The following RAD51B variants were observed in gnomAD, a reference collection of about 807,000 sequenced individuals.
The protein encoded by RAD51B is RAD51 paralog B, also known as DNA repair protein RAD51 homolog 2.
RAD51B carries 38 observed loss-of-function variants against 42.2 expected under a neutral mutation model. That is an observed-to-expected ratio of 0.90 (90% confidence interval 0.70 to 1.18). RAD51B has a LOEUF of 1.18. Ranked by LOEUF, RAD51B falls within the 50% of genes most tolerant of loss-of-function variation. The pLI is 0.00. For missense variants in RAD51B, 373 were observed against 400.7 expected (o/e 0.93, Z 0.59); for synonymous variants, 154 against 145.2 (o/e 1.06, Z -0.43).
At chr14:68,370,769 G>A (rs1000405026) in intron 8 of RAD51B, among the ~76,000 whole-genome samples, 2 of 152,174 alleles carry the variant, frequency 1.3e-5, no homozygotes, top group Non-Finnish European at 2.9e-5. Flanking sequence ...AATTGGCCGG[G>A]CGCAGTGGCT....
chr14:68,136,192 A>G (rs1340575790), intron 7 of RAD51B, among the ~76,000 whole-genome samples: 1 of 152,200 alleles, frequency 6.6e-6, no homozygotes, highest in Non-Finnish European at 1.5e-5. Flanking sequence ...AAACGTCTGA[A>G]TTGAAAATTT....
intron 10 of RAD51B, among the ~76,000 whole-genome samples, chr14:68,640,644 G>A (rs1892441316): frequency 6.6e-6 from 1 of 152,220 alleles, no homozygotes; most frequent in Admixed American, 6.5e-5. Flanking sequence ...ATTTTTAGAA[G>A]AGGGAGACTC....
chr14:67,998,843 CTTTG>C (rs778785104), intron 7 of RAD51B, among the ~76,000 whole-genome samples: 4 of 152,112 alleles, frequency 2.6e-5, no homozygotes, highest in Non-Finnish European at 5.9e-5. Context: ...ATTCATGGTA[CTTTG>C]TTTGTTCTTA....
At chr14:68,321,266 A>C (rs373527820) in intron 8 of RAD51B, among the ~76,000 whole-genome samples, 1 of 152,188 alleles carries the variant, frequency 6.6e-6, no homozygotes, top group African/African-American at 2.4e-5. Flanking sequence ...CTTGCTCCGT[A>C]CTGCAAGACT....
At chr14:68,298,959 G>A (rs1001343245) in intron 8 of RAD51B, among the ~76,000 whole-genome samples, 2 of 152,064 alleles carry the variant, frequency 1.3e-5, no homozygotes, top group East Asian at 1.9e-4. Flanking sequence ...GAAAAGGATC[G>A]TAACAAGGTC....
intron 7 of RAD51B, among the ~76,000 whole-genome samples, chr14:68,149,144 A>G (rs2078319465): frequency 6.6e-6 from 1 of 152,156 alleles, no homozygotes; most frequent in African/African-American, 2.4e-5. Context: ...TTTTCTCCCA[A>G]TATTTGGTTT....
intron 5 of RAD51B, among the ~76,000 whole-genome samples, chr14:67,876,491 A>G (rs2042732117): frequency 6.6e-6 from 1 of 152,210 alleles, no homozygotes; most frequent in South Asian, 2.1e-4. Context: ...ATCTGTATCC[A>G]TGAGCAGTTA....
chr14:68,251,877 C>G (rs997366576), intron 7 of RAD51B, among the ~76,000 whole-genome samples: 1 of 152,154 alleles, frequency 6.6e-6, no homozygotes, highest in Admixed American at 6.5e-5. Flanking sequence ...CACCAGTGTC[C>G]GTTATGACTG....
intron 7 of RAD51B, among the ~76,000 whole-genome samples, chr14:68,221,471 G>A (rs926227854): frequency 1.3e-5 from 2 of 152,212 alleles, no homozygotes; most frequent in Admixed American, 1.3e-4. Flanking sequence ...ATGGTGCTGG[G>A]ATAATTGGCA....
chr14:68,094,742 A>T (rs141171581), intron 7 of RAD51B, among the ~76,000 whole-genome samples: 5 of 152,308 alleles, frequency 3.3e-5, no homozygotes, highest in African/African-American at 1.2e-4. Context: ...TTTAGGAGAG[A>T]TGACCTCCTA....
At chr14:68,157,822 A>G (rs2078545622) in intron 7 of RAD51B, among the ~76,000 whole-genome samples, 1 of 152,216 alleles carries the variant, frequency 6.6e-6, no homozygotes, top group Non-Finnish European at 1.5e-5. Context: ...AGAAAACCAT[A>G]GGAGTCAGGC....
At chr14:68,444,371 TGTA>T (rs1168350934) in intron 9 of RAD51B, among the ~76,000 whole-genome samples, 1 of 152,186 alleles carries the variant, frequency 6.6e-6, no homozygotes, top group East Asian at 1.9e-4. Context: ...GAAGAAAAGT[TGTA>T]GTCACTGGAT....
At chr14:68,673,729 C>T (rs1188931206) in intron 11 of RAD51B, among the ~76,000 whole-genome samples, 2 of 151,910 alleles carry the variant, frequency 1.3e-5, no homozygotes, top group Non-Finnish European at 2.9e-5. Flanking sequence ...TATACATGCA[C>T]ACGCATACAC....
intron 7 of RAD51B, among the ~76,000 whole-genome samples, chr14:68,285,279 C>A (rs1009943271): frequency 6.6e-6 from 1 of 152,172 alleles, no homozygotes; most frequent in African/African-American, 2.4e-5. Context: ...TTATCCCAGG[C>A]CTCTGTTTGG....
chr14:68,034,204 A>G (rs774163799), intron 7 of RAD51B, among the ~76,000 whole-genome samples: 2 of 152,046 alleles, frequency 1.3e-5, no homozygotes, highest in African/African-American at 2.4e-5. Flanking sequence ...AGGATTTGTC[A>G]GAGTTCTTAT....
intron 7 of RAD51B, among the ~76,000 whole-genome samples, chr14:67,946,797 T>A (rs2045410489): frequency 6.6e-6 from 1 of 152,234 alleles, no homozygotes; most frequent in Non-Finnish European, 1.5e-5. Context: ...ACTACTTCTG[T>A]CTTCCCTATC....
chr14:68,502,732 T>C (rs1885010536), intron 10 of RAD51B, among the ~76,000 whole-genome samples: 1 of 152,180 alleles, frequency 6.6e-6, no homozygotes, highest in South Asian at 2.1e-4. Context: ...CATCGGAAGC[T>C]TAATTTAAAG....
At chr14:68,468,651 C>T (rs2086045733) in intron 10 of RAD51B, 1 of 331,824 alleles carries the variant, frequency 3.0e-6, no homozygotes, top group South Asian at 2.5e-5. Flanking sequence ...GCTAAAGAAC[C>T]ATCTGGGTTG....
chr14:67,972,116 C>CCCCT (rs141582598), intron 7 of RAD51B, among the ~76,000 whole-genome samples: 258 of 151,098 alleles, frequency 1.7e-3, no homozygotes, highest in African/African-American at 6.1e-3. Flanking sequence ...TTCATGAGAT[C>CCCCT]CCCTGTAATT....
Sources: gnomAD v4.1 joint callset for allele counts (sites outside exome capture counted in the v4.1 genomes callset) on GRCh38, gnomAD v4.1.1 for gene constraint, MANE v1.5 for transcripts, NCBI Gene and HGNC (gene_info 2026-07-23, HGNC 2026-07-21) for gene names.